TNS1: variants seen among roughly 807,000 people sequenced by gnomAD.
TNS1 encodes tensin 1.
TNS1 carries 62 observed loss-of-function variants against 168.6 expected under a neutral mutation model. The ratio of observed to expected loss-of-function variants is 0.37; its 90% CI spans 0.30 to 0.45. The LOEUF is 0.45. Among genes scored for constraint, TNS1 ranks in the 20% least tolerant of loss-of-function variants. The pLI is 1.00. For synonymous variants in TNS1, 934 were observed against 933.2 expected (o/e 1.00, Z -0.02); for missense variants, 2,240 against 2,339.4 (o/e 0.96, Z 0.88).
intron 17 of TNS1, chr2:217,882,139 T>A (rs1190231349): frequency 2.0e-6 from 1 of 494,682 alleles, no homozygotes; most frequent in African/African-American, 2.0e-5. Flanking sequence ...TGCCTCTCTG[T>A]CTGCTTTTTT....
chr2:217,833,819 T>C (rs928132514), intron 21 of TNS1, among the ~76,000 whole-genome samples: 3 of 152,260 alleles, frequency 2.0e-5, no homozygotes, highest in Non-Finnish European at 4.4e-5. Flanking sequence ...CGTTCTTTTT[T>C]ACATTGATTA....
At position 217,859,979 on chromosome 2, in the gene TNS1, G is replaced by A. The variant is rs147300280; in HGVS notation, c.1430-10892C>T. 5.0e-3 allele frequency among the ~76,000 whole-genome samples: 755 copies of A among 152,300 alleles called. 8 individuals are homozygous for A. Among genetic ancestry groups the A allele is most frequent in the African/African-American group, 0.017 (718 of 41,546 alleles). ...TCAGAGTGGACAGGAGGTGATCTGG[G>A]CTTTGCGGCCAGGCCAGTGGGAGCT... On this transcript the variant is annotated intron_variant, in intron 18 of 32. Transcript: ENST00000682258.
intron 22 of TNS1, among the ~76,000 whole-genome samples, chr2:217,822,985 A>G (rs1186103276): frequency 1.3e-5 from 2 of 152,166 alleles, no homozygotes; most frequent in African/African-American, 4.8e-5. Flanking sequence ...ACAGAGCCAT[A>G]CTGCCCACAA....
chr2:217,889,297 C>CG (rs1951516290), intron 12 of TNS1, among the ~76,000 whole-genome samples: 1 of 152,212 alleles, frequency 6.6e-6, no homozygotes, highest in Non-Finnish European at 1.5e-5. Context: ...ATTACAATGG[C>CG]GGGAATAGCC....
At chr2:217,869,758 A>C (rs989286202) in intron 18 of TNS1, among the ~76,000 whole-genome samples, 1 of 152,230 alleles carries the variant, frequency 6.6e-6, no homozygotes, top group Non-Finnish European at 1.5e-5. Flanking sequence ...GAGGCCCCTG[A>C]ACCCCTTCAA....
chr2:217,893,990 G>A (rs1030081915), intron 9 of TNS1, among the ~76,000 whole-genome samples: 71 of 152,190 alleles, frequency 4.7e-4, no homozygotes, highest in African/African-American at 1.6e-3. Flanking sequence ...CCTGAGGCCT[G>A]GCTCAGGCTG....
rs987013655 is a variant in TNS1 at position 217,949,643 on chromosome 2, C to T, written c.186+29122G>A. The stretch of plus-strand genomic sequence containing the variant: ...AGATCAATGTCAACTTCCTGACTTG[C>T]CAAAGGGCTCCATCCTCTGCCCTGG... On this transcript the variant is annotated intron_variant, in intron 3 of 32. Transcript: ENST00000682258. Among the ~76,000 whole-genome samples the T allele has an allele frequency of 3.3e-5, 5 of 152,128 alleles. No individual in the cohort carries two copies. The South Asian group carries it at 1.0e-3, about 32-fold the overall frequency.
At position 217,851,467 on chromosome 2, in the gene TNS1, A is replaced by ACG. The variant is rs566290840; in HGVS notation, c.1430-2381_1430-2380insCG. 1.4e-3 allele frequency among the ~76,000 whole-genome samples: 213 copies of ACG among 151,552 alleles called. 6 individuals are homozygous for ACG. Among genetic ancestry groups the ACG allele is most frequent in the East Asian group, 0.011 (56 of 5,108 alleles). On this transcript the variant is annotated intron_variant, in intron 18 of 32. Transcript: ENST00000682258. ...CACACACACACACACACACACACAC[A>ACG]CACACACCCCAGGGACTGGATGCCC... is the stretch of plus-strand genomic sequence containing the variant.
intron 6 of TNS1, chr2:217,901,699 G>C (rs969211696): frequency 6.6e-6 from 1 of 152,232 alleles, no homozygotes; most frequent in African/African-American, 2.4e-5. Flanking sequence ...CTGAGGCACA[G>C]AATAACTTAC....
intron 3 of TNS1, among the ~76,000 whole-genome samples, chr2:217,928,344 C>G (rs945578751): frequency 2.6e-5 from 4 of 152,262 alleles, no homozygotes; most frequent in African/African-American, 7.2e-5. Flanking sequence ...CCATTTCCTC[C>G]CCAGGCCTGT....
chr2:217,877,440 G>A (rs1574916639), intron 18 of TNS1, among the ~76,000 whole-genome samples: 2 of 152,326 alleles, frequency 1.3e-5, no homozygotes, highest in African/African-American at 4.8e-5. Flanking sequence ...TACTTCTGGG[G>A]TCTTCATCCA....
chr2:217,868,437 A>ACACTG (rs1949481030), intron 18 of TNS1, among the ~76,000 whole-genome samples: 1 of 152,224 alleles, frequency 6.6e-6, no homozygotes, highest in South Asian at 2.1e-4. Flanking sequence ...AGTGGGAAGA[A>ACACTG]CACTGGACTT....
intron 2 of TNS1, among the ~76,000 whole-genome samples, chr2:217,990,336 C>T (rs898075418): frequency 1.9e-4 from 25 of 131,596 alleles, no homozygotes; most frequent in African/African-American, 7.1e-4. Context: ...CTCCACATGC[C>T]ACCACACACC....
intron 4 of TNS1, among the ~76,000 whole-genome samples, chr2:217,909,708 C>T (rs1382525344): frequency 2.0e-5 from 3 of 152,166 alleles, no homozygotes; most frequent in African/African-American, 7.2e-5. Context: ...CTAACAGCTC[C>T]CTTGCCTCCA....
At chr2:218,013,388 A>G (rs1445789874), upstream of TNS1, among the ~76,000 whole-genome samples, 1 of 152,164 alleles carries the variant, frequency 6.6e-6, no homozygotes, top group Non-Finnish European at 1.5e-5. Context: ...ACAGGGAACC[A>G]TGTATTAGAG....
rs1021977169 is a variant in TNS1 at position 218,031,398 on chromosome 2, TGA to T, written c.156+2420_156+2421del. ...TCTGTGTGTGTATGAATGTCTTGTG[TGA>T]GTGTGTGAGTGCACCTGTGTGTATA... On this transcript the variant is annotated intron_variant, in intron 1 of 1. Coordinates refer to the TNS1 transcript ENST00000649572. Among the ~76,000 whole-genome samples the T allele has an allele frequency of 4.6e-5, 7 of 151,070 alleles. No homozygotes were observed. The South Asian group carries it at 6.3e-4, about 14-fold the overall frequency.
chr2:217,876,133 G>A (rs758224364), intron 18 of TNS1, among the ~76,000 whole-genome samples: 5 of 152,182 alleles, frequency 3.3e-5, no homozygotes, highest in Non-Finnish European at 7.4e-5. Context: ...TCACAGAAAG[G>A]TGGGGGGTGG....
At chr2:217,892,799 G>T (rs1951868204) in intron 11 of TNS1, 149 bp downstream of exon 11, 1 of 803,142 alleles carries the variant, frequency 1.2e-6, no homozygotes, top group Non-Finnish European at 1.9e-6. Context: ...CTGCCTCAGA[G>T]CCAGGGGCCC....
At chr2:217,846,673 C>A (rs1162257804) in intron 19 of TNS1, among the ~76,000 whole-genome samples, 1 of 152,228 alleles carries the variant, frequency 6.6e-6, no homozygotes, top group Non-Finnish European at 1.5e-5. Flanking sequence ...AGGCTTAGAC[C>A]AGTGGGAAGG....
Sources: gnomAD v4.1 joint callset for allele counts (sites outside exome capture counted in the v4.1 genomes callset) on GRCh38, gnomAD v4.1.1 for gene constraint, MANE v1.5 for transcripts, NCBI Gene and HGNC (gene_info 2026-07-23, HGNC 2026-07-21) for gene names.